IFT140: variants seen among roughly 807,000 people sequenced by gnomAD.
IFT140 encodes intraflagellar transport 140.
IFT140 carries 133 observed loss-of-function variants against 164.6 expected under a neutral mutation model. That is an observed-to-expected ratio of 0.81 (90% CI 0.70 to 0.93). The LOEUF (loss-of-function observed/expected upper bound fraction) is 0.93. IFT140 is among the 40% of genes least tolerant of loss of function. The pLI, the probability that IFT140 is intolerant of heterozygous loss-of-function variation, is 0.00. For synonymous variants in IFT140, 860 were observed against 817.3 expected (o/e 1.05, Z -0.89); for missense variants, 2,045 against 1,972.3 (o/e 1.04, Z -0.70).
At position 1,580,848 on chromosome 16, in the gene IFT140, T is replaced by A. The variant is rs776304046; in HGVS notation, c.1435A>T (p.Thr479Ser). ...AACACAGGCGTCTCACACAAGAAGG[T>A]CCCTAAAATGAAAGACGAACATCAG... is the stretch of plus-strand genomic sequence containing the variant. ...LSGAAIRSAGTFLCETPVLAM... is the reference protein window; with the variant it reads ...LSGAAIRSAGSFLCETPVLAM... The change falls in exon 13 of 31, where the codon ACC (threonine) becomes TCC (serine). Residue 479 changes from threonine (T) to serine (S), a missense_variant and splice_region_variant. By Grantham distance (58) the Thr-to-Ser change is moderately conservative. Transcript: ENST00000426508. 1.9e-6 allele frequency: 3 copies of A among 1,611,242 alleles called. No homozygotes were observed. In the East Asian group the frequency reaches 6.7e-5, roughly 36 times the overall value.
intron 30 of IFT140, among the ~76,000 whole-genome samples, 174 bp from the exon 31 acceptor site, chr16:1,511,324 G>C (rs1250889770): frequency 6.6e-6 from 1 of 152,228 alleles, no homozygotes; most frequent in Non-Finnish European, 1.5e-5. Context: ...GGTGATGAGG[G>C]GATGCGGTGC....
rs370211468 is a variant in IFT140, at chr16:1,549,381, C to T, written c.2399+8554G>A. Among the ~76,000 whole-genome samples the T allele has an allele frequency of 1.1e-4, 16 of 152,372 alleles. No individual in the cohort carries two copies. In the East Asian group the frequency reaches 2.5e-3, roughly 24 times the overall value. On this transcript the variant is annotated intron_variant, in intron 19 of 30. Transcript: ENST00000426508. ...GGAGCTGTACCACCAGCGAGTGAAG[C>T]GCGGCTCCCAGAACGCGGCTCCAGA...
At chr16:1,524,064 C>T (rs1596303011) in intron 24 of IFT140, 108 bp from the exon 25 acceptor site, 1 of 1,395,390 alleles carries the variant, frequency 7.2e-7, no homozygotes, top group Non-Finnish European at 9.7e-7. Flanking sequence ...CTTTGACACA[C>T]TGCTCAGCGA....
chr16:1,595,104 T>C (rs2035387969), intron 4 of IFT140, among the ~76,000 whole-genome samples: 1 of 151,156 alleles, frequency 6.6e-6, no homozygotes, highest in Non-Finnish European at 1.5e-5. Context: ...GCTAACACGG[T>C]GAAACCCTGT....
chr16:1,557,505 A>C (rs1036825878), intron 19 of IFT140: 9 of 164,490 alleles, frequency 5.5e-5, no homozygotes, highest in Non-Finnish European at 9.2e-5. Context: ...AAGATGAAAG[A>C]ATTTCTAGAT....
chr16:1,562,197 A>G, intron 17 of IFT140, 81 bp from the exon 18 acceptor site: 1 of 1,274,484 alleles, frequency 7.8e-7, no homozygotes, highest in South Asian at 1.7e-5. Context: ...ATTTTGCTAC[A>G]CACACTGCGT....
chr16:1,581,161 A>C (rs1317915038), intron 12 of IFT140, among the ~76,000 whole-genome samples: 2 of 152,184 alleles, frequency 1.3e-5, no homozygotes, highest in Non-Finnish European at 2.9e-5. Context: ...AGCATCTATG[A>C]CAACACACCC....
intron 4 of IFT140, among the ~76,000 whole-genome samples, chr16:1,595,198 T>TCACTTGAATCTG: frequency 6.6e-6 from 1 of 152,056 alleles, no homozygotes; most frequent in South Asian, 2.1e-4. Flanking sequence ...GGCAGGAGAA[T>TCACTTGAATCTG]GGTGTGAACC....
At chr16:1,604,945 G>A (rs2667679) in intron 3 of IFT140, among the ~76,000 whole-genome samples, 57,054 of 151,404 alleles carry the variant, frequency 0.38, 12,610 homozygotes, top group African/African-American at 0.62. Context: ...GGGGAAGGGT[G>A]GGGGACAATT....
intron 11 of IFT140, 110 bp downstream of exon 11, chr16:1,584,107 G>C (rs1260890762): frequency 3.8e-6 from 3 of 786,750 alleles, no homozygotes; most frequent in Non-Finnish European, 6.2e-6. Flanking sequence ...ATCTAGGATG[G>C]AACTGAGAGT....
intron 7 of IFT140, among the ~76,000 whole-genome samples, chr16:1,589,261 G>A (rs746183616): frequency 1.3e-5 from 2 of 152,164 alleles, no homozygotes; most frequent in Non-Finnish European, 2.9e-5. Context: ...TCGCCTGCCC[G>A]CTGAGTTCTG....
chr16:1,606,873 C>A (rs1030611700), intron 3 of IFT140, among the ~76,000 whole-genome samples: 68 of 151,354 alleles, frequency 4.5e-4, no homozygotes, highest in African/African-American at 1.6e-3. Flanking sequence ...CACCCCCCCA[C>A]ATACAAGCAT....
chr16:1,569,074 G>A (rs531362706), intron 14 of IFT140, among the ~76,000 whole-genome samples: 7 of 146,946 alleles, frequency 4.8e-5, no homozygotes, highest in Admixed American at 1.4e-4. Flanking sequence ...GCGCCATCTC[G>A]GCTCACTGCA....
intron 19 of IFT140, among the ~76,000 whole-genome samples, chr16:1,538,136 C>T (rs1259001652): frequency 2.6e-5 from 4 of 152,220 alleles, no homozygotes; most frequent in African/African-American, 7.2e-5. Flanking sequence ...GAGCGTGGCT[C>T]AGACAGGAAG....
At chr16:1,525,441 G>A (rs2040659729) in intron 21 of IFT140, 115 bp from the exon 22 acceptor site, 6 of 782,986 alleles carry the variant, frequency 7.7e-6, no homozygotes, top group East Asian at 2.6e-5. Context: ...CTCGGGGTGT[G>A]TGCTCCTGGC....
At chr16:1,528,192 C>G (rs1313102107) in intron 19 of IFT140, among the ~76,000 whole-genome samples, 1 of 152,142 alleles carries the variant, frequency 6.6e-6, no homozygotes, top group Non-Finnish European at 1.5e-5. Context: ...GGCCCTGTTC[C>G]AAGACACAGC....
chr16:1,564,910 C>T lies in IFT140; in HGVS notation c.1902-748G>A, dbSNP rs921941221. Among the ~76,000 whole-genome samples the T allele has an allele frequency of 5.3e-5, 8 of 152,138 alleles. No homozygotes were observed. The highest frequency in any genetic ancestry group is 1.0e-4 in the Non-Finnish European group (7 of 68,034). On this transcript the variant is annotated intron_variant, in intron 16 of 30. Coordinates refer to ENST00000426508, the MANE Select transcript of IFT140 (RefSeq NM_014714.4). This position sits in a 1 kb window ranked among gnomAD's most constrained non-coding sequence, Gnocchi z 5.5. Reference sequence around the variant, plus strand: ...ATGGAGGTGCCCTCACAGCCACGTTCGGCACCAGTGCAGAGCAGAGCAGAA... The same window carrying T: ...ATGGAGGTGCCCTCACAGCCACGTTTGGCACCAGTGCAGAGCAGAGCAGAA...
At chr16:1,530,106 T>C (rs1419079072) in intron 19 of IFT140, among the ~76,000 whole-genome samples, 1 of 149,592 alleles carries the variant, frequency 6.7e-6, no homozygotes, top group Non-Finnish European at 1.5e-5. Flanking sequence ...TTTACTCTCC[T>C]GTCCCAAAAG....
chr16:1,533,920 T>C lies in IFT140; in HGVS notation c.2400-7124A>G. On this transcript the variant is annotated intron_variant, in intron 19 of 30. Transcript: ENST00000426508. This position sits in a 1 kb window ranked among gnomAD's most constrained non-coding sequence, Gnocchi z 4.7. ...TGCCGGCCTCCCGAGTGACTCTGTT[T>C]TCCACTGCTGCAGGCGAGAAGAGGC... 3.1e-6 allele frequency: 1 copy of C among 326,920 alleles called. No individual in the cohort carries two copies. The highest frequency in any genetic ancestry group is 5.6e-6 in the Non-Finnish European group (1 of 177,354). 20.3% of individuals were successfully genotyped at this position (326,920 alleles called of 1,614,324 possible). A position where few individuals can be genotyped will look rare whatever the true frequency, so the allele number is the denominator to read the frequency against.
Sources: gnomAD v4.1 joint callset for allele counts (sites outside exome capture counted in the v4.1 genomes callset) on GRCh38, gnomAD v4.1.1 for gene constraint, Gnocchi (gnomAD v3.1) non-coding constraint, MANE v1.5 for transcripts, NCBI Gene and HGNC (gene_info 2026-07-23, HGNC 2026-07-21) for gene names.